PATJ: variants seen among roughly 807,000 people sequenced by gnomAD.
PATJ encodes the protein inaD-like protein.
In PATJ, 190 loss-of-function variants were observed where a neutral mutation model predicts 224.9. That is an observed-to-expected ratio of 0.84 (90% CI 0.75 to 0.95). The LOEUF (loss-of-function observed/expected upper bound fraction) is 0.95. Among genes scored for constraint, PATJ ranks in the 40% least tolerant of loss-of-function variants. The pLI is 0.00. For synonymous variants in PATJ, 769 were observed against 820.3 expected (o/e 0.94, Z 1.07); for missense variants, 2,121 against 2,270.3 (o/e 0.93, Z 1.34).
At chr1:61,949,362 G>A (rs1009829460) in intron 27 of PATJ, among the ~76,000 whole-genome samples, 1 of 151,964 alleles carries the variant, frequency 6.6e-6, no homozygotes, top group African/African-American at 2.4e-5. Flanking sequence ...TTTGGGGGGT[G>A]GTGGGAAGTG....
intron 27 of PATJ, among the ~76,000 whole-genome samples, chr1:61,947,672 T>A (rs1678958694): frequency 6.6e-6 from 1 of 152,188 alleles, no homozygotes; most frequent in Non-Finnish European, 1.5e-5. Context: ...GCCATCCCCA[T>A]GAGGCTACCA....
chr1:61,794,783 T>C (rs533402413), intron 9 of PATJ, among the ~76,000 whole-genome samples: 21 of 150,470 alleles, frequency 1.4e-4, no homozygotes, highest in African/African-American at 5.1e-4. Context: ...AGGTCAGGAG[T>C]TCAAGACCAG....
chr1:61,749,133 G>A (rs1423111920), intron 1 of PATJ, among the ~76,000 whole-genome samples: 4 of 150,978 alleles, frequency 2.6e-5, no homozygotes, highest in African/African-American at 7.3e-5. Flanking sequence ...CCGCCACCAC[G>A]CCCAGCTATT....
chr1:62,160,918 C>A lies in PATJ; in HGVS notation c.5513C>A (p.Ala1838Glu). ...VKTVFAKGAAADDGRLKRGDQ... is the reference protein window; with the variant it reads ...VKTVFAKGAAEDDGRLKRGDQ... ...GTTTCTTGTTTGTAGGGAGCAGCTG[C>A]AGATGACGGCCGATTAAAACGAGGG... Residue 1838 changes from alanine (A) to glutamate (E), a missense_variant, in exon 44 of 44, where the codon GCA (alanine) becomes GAA (glutamate). Physicochemically the swap from Ala to Glu is moderately radical, Grantham distance 107. Coordinates refer to ENST00000642238, the MANE Select transcript of PATJ (RefSeq NM_001350145.3). The A allele has an allele frequency of 6.2e-7, 1 of 1,613,942 alleles. No individual in the cohort carries two copies. The highest frequency in any genetic ancestry group is 1.3e-5 in the African/African-American group (1 of 75,028).
chr1:61,901,179 T>G (rs1437955422), intron 23 of PATJ, 103 bp from the exon 24 acceptor site: 3 of 560,348 alleles, frequency 5.4e-6, no homozygotes, highest in African/African-American at 2.0e-5. Context: ...TTTCAAAAAT[T>G]TATATAAAAT....
chr1:61,830,477 C>G (rs1412750538), intron 16 of PATJ, among the ~76,000 whole-genome samples: 1 of 71,984 alleles, frequency 1.4e-5, no homozygotes, highest in Non-Finnish European at 3.5e-5. Flanking sequence ...ACATTTTTCA[C>G]CGAATTAGAA....
intron 28 of PATJ, among the ~76,000 whole-genome samples, chr1:62,007,931 A>G (rs541049145): frequency 7.9e-5 from 12 of 152,338 alleles, no homozygotes; most frequent in Non-Finnish European, 1.8e-4. Flanking sequence ...GAGGGACATA[A>G]AAATTCAGCC....
chr1:61,763,578 G>C (rs1570332863), intron 3 of PATJ, among the ~76,000 whole-genome samples: 1 of 151,374 alleles, frequency 6.6e-6, no homozygotes, highest in East Asian at 1.9e-4. Context: ...TATGGTTTTT[G>C]TACTTATTTA....
intron 39 of PATJ, among the ~76,000 whole-genome samples, chr1:62,125,338 A>G (rs1325731848): frequency 4.6e-5 from 7 of 150,722 alleles, no homozygotes; most frequent in East Asian, 2.1e-4. Flanking sequence ...AATGGGGGTG[A>G]TAACACTAAC....
At chr1:61,766,108 T>A (rs1646255169) in intron 3 of PATJ, among the ~76,000 whole-genome samples, 171 bp from the exon 4 acceptor site, 1 of 152,232 alleles carries the variant, frequency 6.6e-6, no homozygotes, top group Non-Finnish European at 1.5e-5. Context: ...ATACTAAATT[T>A]AAAAAATTTT....
At chr1:62,017,741 AAAAAAAGAAAAG>A in intron 28 of PATJ, 103 bp from the exon 29 acceptor site, 8 of 575,426 alleles carry the variant, frequency 1.4e-5, no homozygotes, top group Admixed American at 3.0e-5. Flanking sequence ...AAAAAAAAAA[AAAAAAAGAAAAG>A]AAAAGAAAAG....
intron 5 of PATJ, among the ~76,000 whole-genome samples, chr1:61,770,172 A>G (rs1290943228): frequency 6.6e-6 from 1 of 152,076 alleles, no homozygotes; most frequent in Non-Finnish European, 1.5e-5. Context: ...AGTCTCCCCA[A>G]CTCAGATTTC....
At chr1:62,144,777 A>AATATATATATATATATATATATATATAT (rs1553280095) in intron 41 of PATJ, among the ~76,000 whole-genome samples, 1 of 119,080 alleles carries the variant, frequency 8.4e-6, no homozygotes, top group Non-Finnish European at 1.7e-5. Context: ...AAAAAAAAAA[A>AATATATATATATATATATATATATATAT]ATATATATAT....
rs148000255 is a variant in PATJ, at chr1:62,019,449, G to A, written c.3959+1502G>A. On this transcript the variant is annotated intron_variant, in intron 29 of 43. Transcript: ENST00000642238. ...GAGAATTGCATCTTGAACTCAGGAG[G>A]CAGAGGTTGCAGTGAGCCGAGATCA... is the stretch of plus-strand genomic sequence containing the variant. 9.3e-3 allele frequency among the ~76,000 whole-genome samples: 1,409 copies of A among 152,006 alleles called. 22 individuals carry two copies. The highest frequency in any genetic ancestry group is 0.032 in the African/African-American group (1,307 of 41,434).
chr1:62,128,168 T>C, intron 40 of PATJ, 74 bp downstream of exon 40: 1 of 1,571,250 alleles, frequency 6.4e-7, no homozygotes, highest in African/African-American at 1.4e-5. Flanking sequence ...CCTGGGCACC[T>C]TGTTTAAAGT....
chr1:62,076,849 A>G (rs1658390855), intron 31 of PATJ, among the ~76,000 whole-genome samples: 1 of 152,148 alleles, frequency 6.6e-6, no homozygotes, highest in Non-Finnish European at 1.5e-5. Flanking sequence ...TTGAGGTGAT[A>G]TAAAATGTAA....
intron 31 of PATJ, among the ~76,000 whole-genome samples, chr1:62,068,711 G>C (rs1044110131): frequency 3.3e-5 from 5 of 152,334 alleles, no homozygotes; most frequent in African/African-American, 1.2e-4. Context: ...GATATTGCCA[G>C]TGTTGCCTTT....
At chr1:61,789,041 G>T (rs1315831037) in intron 8 of PATJ, among the ~76,000 whole-genome samples, 13 of 152,188 alleles carry the variant, frequency 8.5e-5, no homozygotes, top group Non-Finnish European at 1.5e-5. Context: ...AGATGCGGTG[G>T]CTTACGCCTC....
At chr1:61,749,209 T>C (rs1018673888) in intron 1 of PATJ, among the ~76,000 whole-genome samples, 2 of 151,856 alleles carry the variant, frequency 1.3e-5, no homozygotes, top group African/African-American at 4.8e-5. Flanking sequence ...GGTTTCACCA[T>C]GTTGGCCAGG....
Sources: allele counts gnomAD v4.1 joint callset (sites outside exome capture counted in the v4.1 genomes callset), GRCh38; gene constraint gnomAD v4.1.1; transcripts MANE v1.5; gene names NCBI Gene and HGNC (gene_info 2026-07-23, HGNC 2026-07-21).